The following RANBP3L variants were observed in gnomAD, a reference collection of about 807,000 sequenced individuals.
RANBP3L encodes RAN binding protein 3 like, also known as ran-binding protein 3-like.
Under a neutral mutation model 67.2 loss-of-function variants are expected in RANBP3L, and 56 were observed. The observed-to-expected ratio is 0.83, with a 90% CI of 0.67 to 1.04. The LOEUF is 1.04. Ranked by LOEUF, RANBP3L falls within the 50% of genes least tolerant of loss-of-function variation. The pLI is 0.00. For synonymous variants in RANBP3L, 164 were observed against 181.4 expected (o/e 0.90, Z 0.77); for missense variants, 496 against 535.5 (o/e 0.93, Z 0.73).
At chr5:36,257,989 A>G (rs1361886241) in intron 8 of RANBP3L, among the ~76,000 whole-genome samples, 1 of 152,202 alleles carries the variant, frequency 6.6e-6, no homozygotes, top group Non-Finnish European at 1.5e-5. Context: ...TTAGAAATTT[A>G]AAGTGACAGC....
rs774986525 is a variant in RANBP3L at position 36,268,259 on chromosome 5, A to G, written c.268+1131T>C. 8 of 1,532,692 alleles carry G rather than the reference A, an allele frequency of 5.2e-6. No homozygotes were observed. The South Asian group carries it at 6.1e-5, about 12-fold the overall frequency. 94.9% of individuals were successfully genotyped at this position (1,532,692 alleles called of 1,614,324 possible). A position where few individuals can be genotyped will look rare whatever the true frequency, so the allele number is the denominator to read the frequency against. On this transcript the variant is annotated intron_variant, in intron 4 of 13. Transcript: ENST00000296604. The stretch of plus-strand genomic sequence containing the variant: ...GAACATCTCATTTGCTTCTGAGACA[A>G]GGTTGACACTAAAAGCAGATTGCAA...
intron 1 of RANBP3L, among the ~76,000 whole-genome samples, chr5:36,299,873 C>A (rs1752496981): frequency 6.6e-6 from 1 of 152,120 alleles, no homozygotes. Flanking sequence ...TTACAAAACA[C>A]TGTTTACAAA....
At position 36,261,967 on chromosome 5, in the gene RANBP3L, G is replaced by T. The variant is rs369501998; in HGVS notation, c.556C>A (p.Gln186Lys). ...ARISVQLSTN[Q>K]DFLGATSVGC... ...ACTGATGTTGCACCTAAAAAGTCCT[G>T]GTTAGTAGACAGCTGGACTGAAATT... The change falls in exon 7 of 14, where the codon CAG (glutamine) becomes AAG (lysine). Residue 186 changes from glutamine to lysine, a missense_variant. Physicochemically the swap from Gln to Lys is moderately conservative, Grantham distance 53 (BLOSUM62 1). Transcript: ENST00000296604. 6.3e-7 allele frequency: 1 copy of T among 1,595,916 alleles called. No individual in the cohort carries two copies. Among genetic ancestry groups the T allele is most frequent in the Admixed American group, 1.7e-5 (1 of 59,656 alleles).
At chr5:36,273,094 C>T (rs902433462) in intron 1 of RANBP3L, among the ~76,000 whole-genome samples, 4 of 152,094 alleles carry the variant, frequency 2.6e-5, no homozygotes, top group South Asian at 2.1e-4. Flanking sequence ...GCTCCTTTTC[C>T]GGAAATTATG....
At chr5:36,286,181 C>G (rs1288359191) in intron 1 of RANBP3L, among the ~76,000 whole-genome samples, 2 of 152,122 alleles carry the variant, frequency 1.3e-5, no homozygotes, top group African/African-American at 4.8e-5. Flanking sequence ...CTAAGATTTG[C>G]TTTATTTTAA....
At chr5:36,296,416 A>G (rs1205381663) in intron 1 of RANBP3L, among the ~76,000 whole-genome samples, 3 of 152,294 alleles carry the variant, frequency 2.0e-5, no homozygotes, top group Middle Eastern at 6.8e-3. Context: ...GTGTCAGAAG[A>G]CAAAAAGAAA....
In RANBP3L at chr5:36,291,468, A is replaced by G. The variant is rs1455317021; in HGVS notation, c.91+9858T>C. ...CAATGTGCAGGTTAGTTACATATGT[A>G]TACATATGCCATGCTGGTGCGCTGC... On this transcript the variant is annotated intron_variant, in intron 1 of 13. Coordinates refer to ENST00000296604, the MANE Select transcript of RANBP3L (RefSeq NM_145000.5). 2.6e-5 allele frequency among the ~76,000 whole-genome samples: 4 copies of G among 151,706 alleles called. No homozygotes were observed. The East Asian group carries it at 7.8e-4, about 29-fold the overall frequency.
chr5:36,294,444 C>A (rs956245991), intron 1 of RANBP3L, among the ~76,000 whole-genome samples: 1 of 151,986 alleles, frequency 6.6e-6, no homozygotes, highest in African/African-American at 2.4e-5. Flanking sequence ...CCTCTGCTAG[C>A]TTTTGAATGT....
Position 36,264,944 on chromosome 5 carries a change from C to T in RANBP3L, c.480+15G>A. The T allele has an allele frequency of 6.2e-7, 1 of 1,608,750 alleles. No homozygotes were observed. The highest frequency in any genetic ancestry group is 8.5e-7 in the Non-Finnish European group (1 of 1,177,952). ...GAGGGATTGAGGTCAGTTCCGTTAT[C>T]CTGGGCTTTCTCACCTTATTATTTG... On this transcript the variant is annotated intron_variant, in intron 6 of 13. Transcript: ENST00000296604.
intron 1 of RANBP3L, among the ~76,000 whole-genome samples, chr5:36,298,668 A>G (rs552323812): frequency 2.0e-5 from 3 of 152,342 alleles, no homozygotes; most frequent in East Asian, 1.9e-4. Context: ...TCACTAGATG[A>G]TATTTCTTGC....
At chr5:36,300,557 TGAG>T (rs1193153836) in intron 1 of RANBP3L, among the ~76,000 whole-genome samples, 5 of 152,168 alleles carry the variant, frequency 3.3e-5, no homozygotes, top group Non-Finnish European at 5.9e-5. Context: ...CCTAGGTTAT[TGAG>T]GAGAAGTTAG....
intron 1 of RANBP3L, 66 bp downstream of exon 1, chr5:36,301,260 T>G: frequency 8.1e-7 from 1 of 1,235,718 alleles, no homozygotes; most frequent in Non-Finnish European, 1.2e-6. Context: ...CAGCCCACCA[T>G]TCTTCCTGGA....
intron 1 of RANBP3L, among the ~76,000 whole-genome samples, chr5:36,292,785 G>A (rs1322708378): frequency 2.6e-5 from 4 of 152,188 alleles, no homozygotes; most frequent in Admixed American, 2.0e-4. Context: ...CCAGTACCAT[G>A]CTGTTTTGGT....
At chr5:36,259,014 G>A (rs1749185967) in intron 8 of RANBP3L, among the ~76,000 whole-genome samples, 1 of 152,224 alleles carries the variant, frequency 6.6e-6, no homozygotes. Context: ...TGAGTTGAAT[G>A]TTAAGTTGAT....
intron 4 of RANBP3L, 28 bp from the exon 5 acceptor site, chr5:36,265,548 T>A: frequency 2.9e-6 from 4 of 1,361,182 alleles, no homozygotes; most frequent in Non-Finnish European, 4.2e-6. Context: ...TAAATTTTTT[T>A]AAATACAGAA....
At position 36,257,369 on chromosome 5, in the gene RANBP3L, C is replaced by T. The variant is rs150395742; in HGVS notation, c.772+85G>A. On this transcript the variant is annotated intron_variant, in intron 9 of 13. Coordinates refer to ENST00000296604, the MANE Select transcript of RANBP3L (RefSeq NM_145000.5). ...AATCTTATAGTAAATATTAATTTTA[C>T]TTATATTAAATATTAATGTTAATAA... 7 of 482,716 alleles carry T rather than the reference C, an allele frequency of 1.5e-5. No homozygotes were observed. In the East Asian group the frequency reaches 2.3e-4, roughly 16 times the overall value. The allele number at this position is 482,716 out of a possible 1,614,324, so 29.9% of individuals were successfully genotyped here.
Position 36,264,788 on chromosome 5 carries a change from C to T in RANBP3L, c.480+171G>A, listed in dbSNP as rs138724643. Among the ~76,000 whole-genome samples the T allele has an allele frequency of 4.1e-4, 63 of 152,280 alleles. No individual in the cohort carries two copies. The East Asian group carries it at 9.9e-3, about 24-fold the overall frequency. On this transcript the variant is annotated intron_variant, in intron 6 of 13. Transcript: ENST00000296604. ...ACCACAGATTTGTGAGACTACAACT[C>T]TCCAATGTCAGAGTACAACTTTGAA...
intron 12 of RANBP3L, 109 bp downstream of exon 12, chr5:36,253,538 T>G: frequency 1.2e-6 from 1 of 842,060 alleles, no homozygotes; most frequent in East Asian, 2.5e-5. Flanking sequence ...AATGGCTGAG[T>G]TTTTGCCAAT....
chr5:36,294,121 T>C (rs1284564701), intron 1 of RANBP3L, among the ~76,000 whole-genome samples: 1 of 152,190 alleles, frequency 6.6e-6, no homozygotes, highest in Non-Finnish European at 1.5e-5. Flanking sequence ...CTTCCTGGTT[T>C]AGTCTTGGGA....
Sources: allele counts gnomAD v4.1 joint callset (sites outside exome capture counted in the v4.1 genomes callset), GRCh38; gene constraint gnomAD v4.1.1; transcripts MANE v1.5; gene names NCBI Gene and HGNC (gene_info 2026-07-23, HGNC 2026-07-21).